Variants in NEK11 observed in about 807,000 individuals in gnomAD.
NEK11 encodes NIMA related kinase 11, also known as serine/threonine-protein kinase Nek11.
A neutral mutation model predicts 80.7 loss-of-function variants in NEK11; 72 were observed. That is an observed-to-expected ratio of 0.89 (90% CI 0.74 to 1.08). NEK11 has a LOEUF of 1.08. NEK11 is among the 50% of genes least tolerant of loss of function. NEK11 has a pLI of 0.00. For missense variants in NEK11, 764 were observed against 763.6 expected, an observed-to-expected ratio of 1.00 and a Z score of -0.01; for synonymous variants, 251 against 260.7, an observed-to-expected ratio of 0.96 and a Z score of 0.36.
intron 14 of NEK11, among the ~76,000 whole-genome samples, chr3:131,206,536 A>C (rs1275244487): frequency 6.6e-6 from 1 of 152,248 alleles, no homozygotes; most frequent in African/African-American, 2.4e-5. Flanking sequence ...TTTAAAATTC[A>C]ATTAAAATGA....
At chr3:131,304,682 G>T (rs774044457) in intron 17 of NEK11, among the ~76,000 whole-genome samples, 5 of 152,292 alleles carry the variant, frequency 3.3e-5, no homozygotes, top group Non-Finnish European at 7.3e-5. Flanking sequence ...AACTCTAGAG[G>T]CTGGTACCAG....
In NEK11 at chr3:131,175,164, T is replaced by A. The variant is rs565214819; in HGVS notation, c.1399+4277T>A. 3.1e-5 allele frequency: 29 copies of A among 949,656 alleles called. No individual in the cohort carries two copies. The African/African-American group carries it at 4.9e-4, about 16-fold the overall frequency. The allele number at this position is 949,656 out of a possible 1,614,324, so 58.8% of individuals were successfully genotyped here. ...TATGTTATGTTTTTATTGTTTTAAT[T>A]TTAAAAAGAAAACCTCTACTCACTC... On this transcript the variant is annotated intron_variant, in intron 14 of 17. Transcript: ENST00000383366.
intron 3 of NEK11, among the ~76,000 whole-genome samples, chr3:131,078,077 T>C (rs1055667020): frequency 6.6e-6 from 1 of 152,220 alleles, no homozygotes; most frequent in African/African-American, 2.4e-5. Flanking sequence ...GTGAGGTTCC[T>C]GAGGCAGAGC....
intron 17 of NEK11, among the ~76,000 whole-genome samples, chr3:131,341,511 A>C (rs968124314): frequency 6.6e-6 from 1 of 152,220 alleles, no homozygotes; most frequent in Non-Finnish European, 1.5e-5. Flanking sequence ...ATGTGTATCT[A>C]TTAAGTTCAG....
chr3:131,298,427 A>G (rs530735353), intron 17 of NEK11, among the ~76,000 whole-genome samples: 3 of 152,300 alleles, frequency 2.0e-5, no homozygotes, highest in African/African-American at 7.2e-5. Flanking sequence ...CTTTGAAGCA[A>G]TTGTGAATGG....
intron 15 of NEK11, among the ~76,000 whole-genome samples, chr3:131,233,386 G>C (rs1489032007): frequency 6.6e-6 from 1 of 152,172 alleles, no homozygotes; most frequent in African/African-American, 2.4e-5. Context: ...GCTCCTTGCA[G>C]CAGGGTCTAT....
chr3:131,263,288 T>C (rs1260021172), intron 16 of NEK11, among the ~76,000 whole-genome samples: 2 of 152,208 alleles, frequency 1.3e-5, no homozygotes, highest in Non-Finnish European at 2.9e-5. Flanking sequence ...CATGCAGTTC[T>C]CACTGGTTTT....
intron 14 of NEK11, among the ~76,000 whole-genome samples, chr3:131,185,282 A>T (rs2093553318): frequency 6.6e-6 from 1 of 152,148 alleles, no homozygotes; most frequent in Non-Finnish European, 1.5e-5. Context: ...AATAGGGTAA[A>T]GTCTGTTGAA....
intron 10 of NEK11, among the ~76,000 whole-genome samples, chr3:131,156,241 A>G (rs1341654068): frequency 6.6e-6 from 1 of 152,212 alleles, no homozygotes; most frequent in African/African-American, 2.4e-5. Context: ...GTCTGACAAA[A>G]TAAGAGATGT....
At chr3:131,092,593 G>A (rs1008577176) in intron 4 of NEK11, among the ~76,000 whole-genome samples, 2 of 152,146 alleles carry the variant, frequency 1.3e-5, no homozygotes, top group Non-Finnish European at 2.9e-5. Context: ...CATGTTCATC[G>A]AGTAGTCCAA....
chr3:131,329,274 T>G (rs1026636060), intron 17 of NEK11: 3 of 152,220 alleles, frequency 2.0e-5, no homozygotes, highest in Admixed American at 6.5e-5. Context: ...TTAGAGTTTA[T>G]AAAATTAGGC....
At position 131,341,072 on chromosome 3, in the gene NEK11, T is replaced by C. The variant is rs72993139; in HGVS notation, c.1719-8485T>C. ...TTGAACAGCACAGAGAATACTGCCCTCCCTTCTCACATCTTAGATAACAGC... is the reference window on the plus strand; with the variant it reads ...TTGAACAGCACAGAGAATACTGCCCCCCCTTCTCACATCTTAGATAACAGC... On this transcript the variant is annotated intron_variant, in intron 17 of 17. Coordinates refer to ENST00000383366, the MANE Select transcript of NEK11 (RefSeq NM_024800.5). Among the ~76,000 whole-genome samples, 785 of 152,296 alleles carry C rather than the reference T, an allele frequency of 5.2e-3. 5 individuals are homozygous for C. The highest frequency in any genetic ancestry group is 0.018 in the African/African-American group (753 of 41,576).
intron 10 of NEK11, among the ~76,000 whole-genome samples, chr3:131,160,658 CAACTAT>C (rs1299338740): frequency 6.6e-6 from 1 of 152,068 alleles, no homozygotes; most frequent in African/African-American, 2.4e-5. Context: ...AAGCAAGGCC[CAACTAT>C]ATGCTGTCTT....
chr3:131,181,229 C>A (rs1169623106), intron 14 of NEK11, among the ~76,000 whole-genome samples: 2 of 152,096 alleles, frequency 1.3e-5, no homozygotes, highest in Non-Finnish European at 2.9e-5. Flanking sequence ...AGGGGAGAAC[C>A]AGAGAGATGG....
chr3:131,096,623 G>T (rs1317591835), intron 4 of NEK11, among the ~76,000 whole-genome samples: 1 of 152,078 alleles, frequency 6.6e-6, no homozygotes, highest in African/African-American at 2.4e-5. Flanking sequence ...CACAGTGGCT[G>T]AACTAATTTA....
chr3:131,152,844 G>A, intron 9 of NEK11, 135 bp downstream of exon 9: 1 of 664,150 alleles, frequency 1.5e-6, no homozygotes, highest in Non-Finnish European at 2.6e-6. Context: ...AAAAGAAGCT[G>A]AGAGGCCGAG....
At chr3:131,205,718 G>T (rs552450502) in intron 14 of NEK11, among the ~76,000 whole-genome samples, 1 of 152,234 alleles carries the variant, frequency 6.6e-6, no homozygotes, top group South Asian at 2.1e-4. Flanking sequence ...TAGAGCTCTG[G>T]GGGATTAAGC....
At chr3:131,074,484 G>GT (rs1340814969) in intron 3 of NEK11, among the ~76,000 whole-genome samples, 1 of 151,900 alleles carries the variant, frequency 6.6e-6, no homozygotes, top group Non-Finnish European at 1.5e-5. Flanking sequence ...GTATGTATGT[G>GT]TTTACTCTAA....
At chr3:131,089,881 A>G (rs952332129) in intron 4 of NEK11, among the ~76,000 whole-genome samples, 2 of 152,236 alleles carry the variant, frequency 1.3e-5, no homozygotes, top group Non-Finnish European at 2.9e-5. Flanking sequence ...TAATGGAGAT[A>G]TGGTAGGGTG....
Sources: gnomAD v4.1 joint callset for allele counts (sites outside exome capture counted in the v4.1 genomes callset) on GRCh38, gnomAD v4.1.1 for gene constraint, MANE v1.5 for transcripts, NCBI Gene and HGNC (gene_info 2026-07-23, HGNC 2026-07-21) for gene names.